Variants in DDX31 observed in about 807,000 individuals in gnomAD.
DDX31 encodes the protein ATP-dependent DNA helicase DDX31.
DDX31 carries 70 observed loss-of-function variants against 91.3 expected under a neutral mutation model. The ratio of observed to expected loss-of-function variants is 0.77; its 90% CI spans 0.63 to 0.94. DDX31 has a LOEUF of 0.94. DDX31 is among the 40% of genes least tolerant of loss of function. DDX31 has a pLI of 0.00. For synonymous variants in DDX31, 362 were observed against 350.6 expected, an observed-to-expected ratio of 1.03 and a Z score of -0.36; for missense variants, 902 against 925.0, an observed-to-expected ratio of 0.98 and a Z score of 0.32.
chr9:132,653,965 A>G (rs1834391362), intron 6 of DDX31, among the ~76,000 whole-genome samples: 1 of 152,190 alleles, frequency 6.6e-6, no homozygotes, highest in Non-Finnish European at 1.5e-5. Flanking sequence ...TAGCAAATAA[A>G]GTTGAGAATA....
intron 11 of DDX31, among the ~76,000 whole-genome samples, chr9:132,647,748 A>G (rs1017591095): frequency 2.6e-5 from 4 of 152,326 alleles, no homozygotes; most frequent in African/African-American, 9.6e-5. Flanking sequence ...TCCATCTCAC[A>G]TGGATGGAAG....
At chr9:132,669,241 A>G (rs924346633) in intron 1 of DDX31, among the ~76,000 whole-genome samples, 1 of 123,006 alleles carries the variant, frequency 8.1e-6, no homozygotes, top group Non-Finnish European at 1.6e-5. Flanking sequence ...GCAGATGCAA[A>G]TGTCCACCCC....
intron 19 of DDX31, among the ~76,000 whole-genome samples, chr9:132,606,937 C>T (rs995877801): frequency 6.6e-6 from 1 of 152,176 alleles, no homozygotes; most frequent in Non-Finnish European, 1.5e-5. Context: ...AACAACACAG[C>T]ACAGGCCTTC....
rs1002530461 is a variant in DDX31, at chr9:132,595,533, G to A, written c.1995-421C>T. Among the ~76,000 whole-genome samples, 1 of 152,310 alleles carries A rather than the reference G, an allele frequency of 6.6e-6. No individual in the cohort carries two copies. Among genetic ancestry groups the A allele is most frequent in the Non-Finnish European group, 1.5e-5 (1 of 68,030 alleles). On this transcript the variant is annotated intron_variant, in intron 19 of 19. Transcript: ENST00000372159. This position sits in a 1 kb window ranked among gnomAD's most constrained non-coding sequence, Gnocchi z 4.6. ...AACCCCTAAGCAGCTTAAAGCAACT[G>A]GCCTCCTCATGGGCTCCTGAGGGCT...
intron 1 of DDX31, among the ~76,000 whole-genome samples, chr9:132,667,363 G>A (rs1016680653): frequency 6.6e-6 from 1 of 151,850 alleles, no homozygotes; most frequent in African/African-American, 2.4e-5. Context: ...CACTGTGGGA[G>A]GCCGAGGTGG....
Position 132,593,082 on chromosome 9 carries a change from C to T in DDX31, c.*1784G>A, listed in dbSNP as rs999481775. 1.3e-5 allele frequency: 2 copies of T among 152,118 alleles called. No homozygotes were observed. Among genetic ancestry groups the T allele is most frequent in the Non-Finnish European group, 2.9e-5 (2 of 68,020 alleles). The allele number at this position is 152,118 out of a possible 1,614,324, so 9.4% of individuals were successfully genotyped here. ...TGCTAAATCCATGTTTCTTTATTAA[C>T]TGGGGTAATATAGTGATTCTACTTA... On this transcript the variant is annotated 3_prime_UTR_variant, in exon 20 of 20. Coordinates refer to ENST00000372159, the MANE Select transcript of DDX31 (RefSeq NM_022779.9).
chr9:132,610,233 CGAGCAGAGGAT>C (rs1468034344), intron 19 of DDX31, among the ~76,000 whole-genome samples: 1 of 152,128 alleles, frequency 6.6e-6, no homozygotes, highest in African/African-American at 2.4e-5. Flanking sequence ...CAGCCTGGCT[CGAGCAGAGGAT>C]GAGCAGAAAC....
intron 6 of DDX31, among the ~76,000 whole-genome samples, chr9:132,655,943 C>A (rs553757358): frequency 6.6e-6 from 1 of 152,162 alleles, no homozygotes; most frequent in South Asian, 2.1e-4. Context: ...TGAACGCAGG[C>A]TAGGAATGGT....
At chr9:132,613,649 G>A (rs1831473769) in intron 18 of DDX31, among the ~76,000 whole-genome samples, 1 of 152,168 alleles carries the variant, frequency 6.6e-6, no homozygotes, top group African/African-American at 2.4e-5. Flanking sequence ...AGCAGAGATG[G>A]TGCCACCGCA....
rs199905080 is a variant in DDX31, at chr9:132,661,187, AGAG to A, written c.452+18_452+20del. On this transcript the variant is annotated intron_variant, in intron 4 of 19. Transcript: ENST00000372159. ...TACCCACGTAATGCCTAAGAAATCAAGAGGAGCCTGAAGTTCTTACCTGGTCAT... is the reference window on the plus strand; with the variant it reads ...TACCCACGTAATGCCTAAGAAATCAAGAGCCTGAAGTTCTTACCTGGTCAT... The A allele has an allele frequency of 0.019, 30,572 of 1,606,456 alleles. 434 individuals are homozygous for A. Among genetic ancestry groups the A allele is most frequent in the Non-Finnish European group, 0.02 (23,528 of 1,174,032 alleles).
chr9:132,660,632 G>C (rs1834875664), intron 4 of DDX31, among the ~76,000 whole-genome samples: 1 of 152,140 alleles, frequency 6.6e-6, no homozygotes, highest in Admixed American at 6.5e-5. Flanking sequence ...TAAAAAACTT[G>C]TGGGGAGGTC....
intron 13 of DDX31, among the ~76,000 whole-genome samples, chr9:132,645,373 T>C (rs1833759697): frequency 6.6e-6 from 1 of 152,154 alleles, no homozygotes; most frequent in South Asian, 2.1e-4. Flanking sequence ...GCCCCTTTGG[T>C]TCACGGTACC....
intron 13 of DDX31, among the ~76,000 whole-genome samples, chr9:132,642,950 G>A (rs1358887569): frequency 6.6e-6 from 1 of 151,568 alleles, no homozygotes; most frequent in Non-Finnish European, 1.5e-5. Context: ...TTGGCCTCCT[G>A]AGTAGCTGGG....
At chr9:132,651,516 C>G (rs186894631) in intron 7 of DDX31, among the ~76,000 whole-genome samples, 82 of 152,248 alleles carry the variant, frequency 5.4e-4, no homozygotes, top group African/African-American at 1.9e-3. Flanking sequence ...ACAATAGTGA[C>G]GCAACAGGGT....
chr9:132,598,319 C>T (rs1460079981), intron 19 of DDX31, among the ~76,000 whole-genome samples: 1 of 152,250 alleles, frequency 6.6e-6, no homozygotes, highest in Non-Finnish European at 1.5e-5. Context: ...AGCTGCAGTG[C>T]TCCCAGGAAC....
chr9:132,615,904 C>T (rs1186439007), intron 18 of DDX31, among the ~76,000 whole-genome samples: 1 of 152,198 alleles, frequency 6.6e-6, no homozygotes, highest in African/African-American at 2.4e-5. Context: ...CAGTTTCTAA[C>T]TAGTTTTCTG....
At chr9:132,625,550 TTAAAA>T (rs1327575958) in intron 17 of DDX31, 109 bp downstream of exon 17, 12 of 800,540 alleles carry the variant, frequency 1.5e-5, no homozygotes, top group Middle Eastern at 4.5e-4. Context: ...TTCATGGTTC[TTAAAA>T]TAAATGTATT....
At chr9:132,663,893 A>T (rs1237623803) in intron 1 of DDX31, among the ~76,000 whole-genome samples, 2 of 152,252 alleles carry the variant, frequency 1.3e-5, no homozygotes, top group South Asian at 4.1e-4. Flanking sequence ...AAGAGATGAA[A>T]TCAAGTTTCA....
intron 11 of DDX31, among the ~76,000 whole-genome samples, chr9:132,647,609 G>C (rs1362412747): frequency 2.0e-5 from 3 of 152,062 alleles, no homozygotes; most frequent in Non-Finnish European, 4.4e-5. Context: ...GTAAATCAAG[G>C]AAACCAGACA....
Sources: gnomAD v4.1 joint callset for allele counts (sites outside exome capture counted in the v4.1 genomes callset) on GRCh38, gnomAD v4.1.1 for gene constraint, Gnocchi (gnomAD v3.1) non-coding constraint, MANE v1.5 for transcripts, NCBI Gene and HGNC (gene_info 2026-07-23, HGNC 2026-07-21) for gene names.